Variants in HEMK2 observed in about 807,000 individuals in gnomAD.
The protein encoded by HEMK2 is HemK methyltransferase 2, ETF1 glutamine and histone H4 lysine.
the HEMK2 span, among the ~76,000 whole-genome samples, chr21:28,871,947 G>A: frequency 1.3e-5 from 2 of 152,246 alleles, no homozygotes; most frequent in South Asian, 2.1e-4. Context: ...AGAGATATTG[G>A]ATTTAGGGCC....
chr21:28,794,851 G>T, the HEMK2 span, among the ~76,000 whole-genome samples: 1 of 152,196 alleles, frequency 6.6e-6, no homozygotes, highest in Non-Finnish European at 1.5e-5. Flanking sequence ...CAAGCAAAAA[G>T]TGTGGATTCT....
At chr21:28,847,381 G>T in the HEMK2 span, among the ~76,000 whole-genome samples, 5 of 152,218 alleles carry the variant, frequency 3.3e-5, no homozygotes, top group African/African-American at 1.2e-4. Flanking sequence ...TAGCAATGTT[G>T]AGCATATTTT....
At chr21:28,831,103 G>A in the HEMK2 span, among the ~76,000 whole-genome samples, 51 of 152,140 alleles carry the variant, frequency 3.4e-4, no homozygotes, top group African/African-American at 1.2e-3. Flanking sequence ...GATGCCATGT[G>A]TCATAGCTAC....
the HEMK2 span, among the ~76,000 whole-genome samples, chr21:28,784,839 C>T: frequency 6.6e-6 from 1 of 152,174 alleles, no homozygotes; most frequent in African/African-American, 2.4e-5. Flanking sequence ...GAGTGGCAAC[C>T]CACTCAGATC....
chr21:28,647,588 C>T, the HEMK2 span, among the ~76,000 whole-genome samples: 1 of 151,950 alleles, frequency 6.6e-6, no homozygotes, highest in Non-Finnish European at 1.5e-5. Context: ...CCAACGTCAC[C>T]TCCCTATGGT....
the HEMK2 span, among the ~76,000 whole-genome samples, chr21:28,722,321 C>G: frequency 6.6e-6 from 1 of 152,028 alleles, no homozygotes; most frequent in South Asian, 2.1e-4. Flanking sequence ...GTGAAGTTTG[C>G]AGATGAACTA....
the HEMK2 span, among the ~76,000 whole-genome samples, chr21:28,634,585 C>A: frequency 1.3e-5 from 2 of 152,140 alleles, no homozygotes; most frequent in Non-Finnish European, 2.9e-5. Flanking sequence ...CCTGTGTATT[C>A]TTGTACTCTC....
the HEMK2 span, among the ~76,000 whole-genome samples, chr21:28,620,858 G>C: frequency 4.1e-4 from 62 of 151,432 alleles, no homozygotes; most frequent in African/African-American, 1.5e-3. Context: ...ATTTTTAGTA[G>C]AGACAGGGTT....
the HEMK2 span, among the ~76,000 whole-genome samples, chr21:28,647,945 T>C: frequency 6.6e-6 from 1 of 152,182 alleles, no homozygotes; most frequent in African/African-American, 2.4e-5. Context: ...CTGAAGACCA[T>C]TATGGGGGAT....
chr21:28,866,175 A>AAAAAAAAC, the HEMK2 span, among the ~76,000 whole-genome samples: 14,074 of 75,478 alleles, frequency 0.19, 4,593 homozygotes, highest in Non-Finnish European at 0.28. Flanking sequence ...CAAAAAAAAA[A>AAAAAAAAC]ACACACACAC....
chr21:28,788,191 CGT>C, the HEMK2 span, among the ~76,000 whole-genome samples: 3 of 110,988 alleles, frequency 2.7e-5, no homozygotes, highest in Non-Finnish European at 4.9e-5. Context: ...CACATATATA[CGT>C]ATATACGTAT....
the HEMK2 span, among the ~76,000 whole-genome samples, chr21:28,707,414 C>T: frequency 6.6e-6 from 1 of 151,986 alleles, no homozygotes; most frequent in Non-Finnish European, 1.5e-5. Context: ...CGCCACCAGA[C>T]TGGGCTAATT....
the HEMK2 span, among the ~76,000 whole-genome samples, chr21:28,752,911 G>A: frequency 6.6e-6 from 1 of 152,194 alleles, no homozygotes; most frequent in Non-Finnish European, 1.5e-5. Flanking sequence ...AGGTATCAAC[G>A]GATGGCCTGT....
chr21:28,622,405 C>G, the HEMK2 span, among the ~76,000 whole-genome samples: 1 of 152,106 alleles, frequency 6.6e-6, no homozygotes, highest in East Asian at 1.9e-4. Flanking sequence ...CCATACTACC[C>G]AAAGTAATTT....
chr21:28,615,838 A>T, the HEMK2 span, among the ~76,000 whole-genome samples: 4 of 152,222 alleles, frequency 2.6e-5, no homozygotes, highest in Non-Finnish European at 5.9e-5. Flanking sequence ...TCATATTTTT[A>T]ATGCTAGATG....
the HEMK2 span, among the ~76,000 whole-genome samples, chr21:28,661,629 C>T: frequency 5.9e-5 from 9 of 151,608 alleles, 1 homozygote; most frequent in East Asian, 1.7e-3. Context: ...ATTTCATTTC[C>T]TGGTTCTAAT....
chr21:28,683,424 A>AGCTT, the HEMK2 span, among the ~76,000 whole-genome samples: 1 of 152,200 alleles, frequency 6.6e-6, no homozygotes, highest in Non-Finnish European at 1.5e-5. Context: ...GAACAACCCA[A>AGCTT]GTCTTTTGAT....
At chr21:28,801,236 G>T in the HEMK2 span, among the ~76,000 whole-genome samples, 1 of 152,202 alleles carries the variant, frequency 6.6e-6, no homozygotes, top group Non-Finnish European at 1.5e-5. Context: ...ACCCATGGGG[G>T]AAAGGTGCTA....
the HEMK2 span, among the ~76,000 whole-genome samples, chr21:28,782,942 T>C: frequency 6.6e-6 from 1 of 152,212 alleles, no homozygotes; most frequent in Non-Finnish European, 1.5e-5. Context: ...AGTTGACCAG[T>C]ATGTAAAATG....
Sources: gnomAD v4.1 joint callset for allele counts (sites outside exome capture counted in the v4.1 genomes callset) on GRCh38, gnomAD v4.1.1 for gene constraint, MANE v1.5 for transcripts, NCBI Gene and HGNC (gene_info 2026-07-23, HGNC 2026-07-21) for gene names.